CARMIL1: variants seen among roughly 807,000 people sequenced by gnomAD.
CARMIL1 encodes F-actin-uncapping protein LRRC16A.
Under a neutral mutation model 177.1 loss-of-function variants are expected in CARMIL1, and 90 were observed. The observed-to-expected ratio is 0.51, with a 90% CI of 0.43 to 0.61. CARMIL1 has a LOEUF of 0.61. Among genes scored for constraint, CARMIL1 ranks in the 20% least tolerant of loss-of-function variants. The probability of loss-of-function intolerance (pLI) is 0.00; values close to 1 mark genes in which losing one functional copy is unlikely to be tolerated. For synonymous variants in CARMIL1, 577 were observed against 606.2 expected, an observed-to-expected ratio of 0.95 and a Z score of 0.71; for missense variants, 1,380 against 1,667.0, an observed-to-expected ratio of 0.83 and a Z score of 3.00.
intron 2 of CARMIL1, among the ~76,000 whole-genome samples, chr6:25,333,308 A>G (rs1457627983): frequency 6.6e-6 from 1 of 152,162 alleles, no homozygotes; most frequent in African/African-American, 2.4e-5. Flanking sequence ...CATGTCTGTT[A>G]TCCCAGCACT....
At chr6:25,594,340 T>C in intron 31 of CARMIL1, 75 bp from the exon 32 acceptor site, 2 of 900,926 alleles carry the variant, frequency 2.2e-6, no homozygotes, top group Non-Finnish European at 3.5e-6. Context: ...TTAATCACAG[T>C]GTCTTAAATC....
chr6:25,539,192 GCTT>G (rs895673004), intron 25 of CARMIL1, among the ~76,000 whole-genome samples: 4 of 151,982 alleles, frequency 2.6e-5, no homozygotes, highest in Non-Finnish European at 5.9e-5. Flanking sequence ...TGAATTTAAG[GCTT>G]ATTGGTTAGA....
At chr6:25,311,426 T>G (rs1291352356) in intron 2 of CARMIL1, among the ~76,000 whole-genome samples, 2 of 152,114 alleles carry the variant, frequency 1.3e-5, no homozygotes, top group African/African-American at 4.8e-5. Flanking sequence ...GAAGCTGGAC[T>G]CTAAGGATCT....
chr6:25,512,002 A>T (rs575689433), intron 20 of CARMIL1, among the ~76,000 whole-genome samples: 1 of 152,296 alleles, frequency 6.6e-6, no homozygotes, highest in Admixed American at 6.5e-5. Context: ...CTCAGAGTTT[A>T]TGCTGTTTGC....
intron 2 of CARMIL1, among the ~76,000 whole-genome samples, chr6:25,321,154 G>A (rs1190977979): frequency 6.6e-6 from 1 of 150,958 alleles, no homozygotes; most frequent in Non-Finnish European, 1.5e-5. Context: ...TACCCCTTGA[G>A]GGGAGACTTA....
In CARMIL1 at chr6:25,610,181, GGTAAGGATT is replaced by G. The variant is rs1406204741; in HGVS notation, c.3979+10_3979+18del. ...CAGCCCCAGGACATTTTCACAGGAA[GGTAAGGATT>G]GTAAGGATTTCTTTTCTCTGGGTTA... On this transcript the variant is annotated splice_donor_variant and splice_donor_5th_base_variant and intron_variant, in intron 36 of 36. Transcript: ENST00000329474. LOFTEE classifies it high-confidence loss of function. The G allele has an allele frequency of 6.2e-7, 1 of 1,612,080 alleles. No individual in the cohort carries two copies. The highest frequency in any genetic ancestry group is 2.2e-5 in the East Asian group (1 of 44,842).
At chr6:25,483,081 C>T (rs1233330509) in intron 12 of CARMIL1, among the ~76,000 whole-genome samples, 1 of 152,120 alleles carries the variant, frequency 6.6e-6, no homozygotes, top group Non-Finnish European at 1.5e-5. Flanking sequence ...AATGAGTGTT[C>T]CCTTTGTATT....
intron 8 of CARMIL1, among the ~76,000 whole-genome samples, chr6:25,454,367 A>G (rs1221473808): frequency 6.6e-6 from 1 of 152,220 alleles, no homozygotes; most frequent in Non-Finnish European, 1.5e-5. Context: ...TAGACAATGT[A>G]TGAATGAGTA....
intron 29 of CARMIL1, among the ~76,000 whole-genome samples, chr6:25,559,858 T>C (rs918467818): frequency 6.6e-6 from 1 of 152,204 alleles, no homozygotes; most frequent in Non-Finnish European, 1.5e-5. Context: ...CTAGTCTTCA[T>C]GTTTTCTTCC....
chr6:25,595,223 C>G (rs769922021), intron 32 of CARMIL1, among the ~76,000 whole-genome samples: 2 of 152,022 alleles, frequency 1.3e-5, no homozygotes, highest in Non-Finnish European at 2.9e-5. Flanking sequence ...AAATACAAAT[C>G]TATCCCAAAA....
At chr6:25,505,044 G>A (rs1804777845) in intron 17 of CARMIL1, among the ~76,000 whole-genome samples, 2 of 152,212 alleles carry the variant, frequency 1.3e-5, no homozygotes, top group Non-Finnish European at 2.9e-5. Flanking sequence ...TCATAGGTCA[G>A]TATTGCCCTT....
intron 8 of CARMIL1, among the ~76,000 whole-genome samples, chr6:25,458,483 C>G (rs1234529664): frequency 8.9e-5 from 5 of 56,308 alleles, no homozygotes; most frequent in Non-Finnish European, 1.5e-4. Context: ...GAGACTCTGT[C>G]TCAAAAAAAA....
intron 2 of CARMIL1, among the ~76,000 whole-genome samples, chr6:25,340,745 C>A (rs1173324565): frequency 7.6e-6 from 1 of 131,214 alleles, no homozygotes. Context: ...AGAAACCTCA[C>A]AAAGGAAAGC....
intron 16 of CARMIL1, among the ~76,000 whole-genome samples, chr6:25,499,269 T>C (rs2151017570): frequency 6.6e-6 from 1 of 152,340 alleles, no homozygotes. Context: ...GTTTCCACTC[T>C]TCTAGTACTT....
At chr6:25,593,242 C>T (rs1323157938) in intron 31 of CARMIL1, among the ~76,000 whole-genome samples, 5 of 152,174 alleles carry the variant, frequency 3.3e-5, no homozygotes, top group African/African-American at 1.2e-4. Flanking sequence ...TCCTCATCAC[C>T]TCCAGATTAC....
At chr6:25,453,283 A>G (rs929016270) in intron 8 of CARMIL1, among the ~76,000 whole-genome samples, 2 of 151,948 alleles carry the variant, frequency 1.3e-5, no homozygotes, top group Admixed American at 6.6e-5. Context: ...AGGTGAAGTG[A>G]TATCTTGAAG....
At chr6:25,609,476 AAAAG>A (rs1041349901) in intron 35 of CARMIL1, among the ~76,000 whole-genome samples, 1 of 151,680 alleles carries the variant, frequency 6.6e-6, no homozygotes, top group Non-Finnish European at 1.5e-5. Flanking sequence ...AAAAAAAAAA[AAAAG>A]AGAGACTAGA....
At chr6:25,530,914 G>A (rs2151105447) in intron 24 of CARMIL1, among the ~76,000 whole-genome samples, 1 of 152,226 alleles carries the variant, frequency 6.6e-6, no homozygotes, top group Admixed American at 6.5e-5. Context: ...ATTTTAGAGG[G>A]TTTAAATTTT....
intron 2 of CARMIL1, among the ~76,000 whole-genome samples, chr6:25,328,112 G>T (rs762529766): frequency 6.6e-6 from 1 of 152,178 alleles, no homozygotes; most frequent in Non-Finnish European, 1.5e-5. Context: ...AAATGAGCTA[G>T]TAAAGAAAAC....
Sources: allele counts gnomAD v4.1 joint callset (sites outside exome capture counted in the v4.1 genomes callset), GRCh38; gene constraint gnomAD v4.1.1; transcripts MANE v1.5; gene names NCBI Gene and HGNC (gene_info 2026-07-23, HGNC 2026-07-21).